Variants in SNX7 observed in about 807,000 individuals in gnomAD.
The protein encoded by SNX7 is sorting nexin 7, also known as sorting nexin-7.
A neutral mutation model predicts 48.4 loss-of-function variants in SNX7; 35 were observed. The observed-to-expected ratio is 0.72, with a 90% CI of 0.55 to 0.96. SNX7 has a LOEUF of 0.96. SNX7 is among the 40% of genes least tolerant of loss of function. SNX7 has a pLI of 0.00. For missense variants in SNX7, 553 were observed against 548.9 expected, an observed-to-expected ratio of 1.01 and a Z score of -0.07; for synonymous variants, 190 against 190.2, an observed-to-expected ratio of 1.00 and a Z score of 0.01.
At position 98,756,177 on chromosome 1, in the gene SNX7, C is replaced by A. The variant is rs2101061422; in HGVS notation, c.1279-3877C>A. ...TCTACCTTCAGGTAGTATTATACTT[C>A]ATATATAAGAACCTACAAATGTGTT... On this transcript the variant is annotated intron_variant, in intron 8 of 8. Coordinates refer to ENST00000306121, the MANE Select transcript of SNX7 (RefSeq NM_015976.5). 3.3e-5 allele frequency among the ~76,000 whole-genome samples: 5 copies of A among 152,000 alleles called. No homozygotes were observed. The South Asian group carries it at 1.0e-3, about 31-fold the overall frequency.
At chr1:98,748,102 A>G (rs1654394992) in intron 8 of SNX7, among the ~76,000 whole-genome samples, 1 of 150,622 alleles carries the variant, frequency 6.6e-6, no homozygotes, top group Admixed American at 6.6e-5. Flanking sequence ...TCAGCCTCCT[A>G]AGTAACCAAG....
chr1:98,726,959 C>G (rs780144634), intron 7 of SNX7, among the ~76,000 whole-genome samples: 10 of 152,102 alleles, frequency 6.6e-5, no homozygotes, highest in Non-Finnish European at 1.5e-4. Flanking sequence ...GCCTGTAATC[C>G]CAGCACTTTG....
At chr1:98,756,468 T>C (rs756530802) in intron 8 of SNX7, among the ~76,000 whole-genome samples, 32 of 144,918 alleles carry the variant, frequency 2.2e-4, no homozygotes, top group Non-Finnish European at 4.5e-4. Flanking sequence ...TAGTGTGTTC[T>C]GCTGGTGATA....
chr1:98,748,436 C>A (rs1323452902), intron 8 of SNX7, among the ~76,000 whole-genome samples: 1 of 152,030 alleles, frequency 6.6e-6, no homozygotes, highest in Non-Finnish European at 1.5e-5. Flanking sequence ...TGTGCTTCTT[C>A]CCATCCTTTG....
chr1:98,757,988 A>G lies in SNX7; in HGVS notation c.1279-2066A>G, dbSNP rs142721970. Among the ~76,000 whole-genome samples the G allele has an allele frequency of 1.3e-3, 199 of 152,138 alleles. 2 individuals carry two copies. Among genetic ancestry groups the G allele is most frequent in the African/African-American group, 4.6e-3 (193 of 41,524 alleles). On this transcript the variant is annotated intron_variant, in intron 8 of 8. Transcript: ENST00000306121. ...CTTAGATCCTATTACTGTTACTCCC[A>G]TCATGTCCTGTAACATCACAGACCC...
intron 8 of SNX7, among the ~76,000 whole-genome samples, chr1:98,756,422 G>GATTTTT (rs1654852356): frequency 1.8e-5 from 1 of 54,686 alleles, no homozygotes; most frequent in Non-Finnish European, 3.2e-5. Context: ...TGCCAGATGA[G>GATTTTT]TTTTTTTTTT....
In SNX7 at chr1:98,661,830, C is replaced by A; in HGVS notation, c.99C>A (p.Gly33=). ...CGGGGGGCGGCGCCCCCTTTCCGGG[C>A]AGCAGTGGCTCTTCCGCCCTGCTGC... ...ESPGGGAPFP[G]SSGSSALLQA... The change falls in exon 1 of 9, where the codon GGC becomes GGA. Residue 33 remains glycine, a synonymous_variant. Transcript: ENST00000306121. The A allele has an allele frequency of 3.2e-6, 4 of 1,246,236 alleles. No homozygotes were observed. Among genetic ancestry groups the A allele is most frequent in the Non-Finnish European group, 4.1e-6 (4 of 987,360 alleles). 77.2% of individuals were successfully genotyped at this position (1,246,236 alleles called of 1,614,324 possible).
chr1:98,730,542 C>T (rs1365979031), intron 7 of SNX7, among the ~76,000 whole-genome samples: 1 of 152,050 alleles, frequency 6.6e-6, no homozygotes, highest in Admixed American at 6.6e-5. Context: ...AGCTGATAAA[C>T]AACTTCAGCA....
At chr1:98,722,238 CAGAG>C (rs755708195) in intron 7 of SNX7, among the ~76,000 whole-genome samples, 20 of 152,048 alleles carry the variant, frequency 1.3e-4, no homozygotes, top group Non-Finnish European at 1.2e-4. Context: ...CAGTGGGTTT[CAGAG>C]AGAGAGGTTT....
chr1:98,692,987 T>A (rs1353777895), intron 4 of SNX7, among the ~76,000 whole-genome samples: 1 of 152,148 alleles, frequency 6.6e-6, no homozygotes, highest in Non-Finnish European at 1.5e-5. Flanking sequence ...GTTTGTGAGG[T>A]TTTTTTAGTT....
At chr1:98,745,702 C>A in intron 8 of SNX7, among the ~76,000 whole-genome samples, 1 of 152,058 alleles carries the variant, frequency 6.6e-6, no homozygotes, top group Non-Finnish European at 1.5e-5. Flanking sequence ...TTCGTTACAT[C>A]CTTGTACCTG....
At chr1:98,701,712 C>G in intron 6 of SNX7, 105 bp from the exon 7 acceptor site, 1 of 653,792 alleles carries the variant, frequency 1.5e-6, no homozygotes. Flanking sequence ...TGACTGATGG[C>G]TTGGGGAAGA....
At chr1:98,746,781 A>G (rs539289395) in intron 8 of SNX7, among the ~76,000 whole-genome samples, 30 of 152,184 alleles carry the variant, frequency 2.0e-4, no homozygotes, top group Middle Eastern at 3.4e-3. Context: ...CCCCTACCAT[A>G]GCAAATAAGA....
intron 7 of SNX7, among the ~76,000 whole-genome samples, chr1:98,729,625 A>G (rs899880188): frequency 1.3e-5 from 2 of 152,198 alleles, no homozygotes; most frequent in Non-Finnish European, 2.9e-5. Flanking sequence ...AGAGAATACT[A>G]TAAACACCTC....
At chr1:98,745,536 A>G (rs1233272166) in intron 8 of SNX7, among the ~76,000 whole-genome samples, 6 of 152,082 alleles carry the variant, frequency 3.9e-5, no homozygotes, top group South Asian at 4.1e-4. Context: ...AACTATGTGC[A>G]GAATATCTCA....
Position 98,729,788 on chromosome 1 carries a change from G to A in SNX7, c.1126-8449G>A, listed in dbSNP as rs188269475. On this transcript the variant is annotated intron_variant, in intron 7 of 8. Transcript: ENST00000306121. ...TAATAAATAGCCTACCAACCAAAAA[G>A]CCCAGGATCAGACAGATTTACAGCT... Among the ~76,000 whole-genome samples, 156 of 152,014 alleles carry A rather than the reference G, an allele frequency of 1.0e-3. 4 individuals are homozygous for A. The East Asian group carries it at 0.02, about 19-fold the overall frequency.
intron 7 of SNX7, among the ~76,000 whole-genome samples, chr1:98,733,603 C>T (rs1207567934): frequency 1.3e-5 from 2 of 152,136 alleles, no homozygotes; most frequent in African/African-American, 2.4e-5. Context: ...TGTGAACTAA[C>T]GTCTGCAGTT....
chr1:98,678,194 G>A (rs1167248056), intron 1 of SNX7, among the ~76,000 whole-genome samples: 2 of 152,130 alleles, frequency 1.3e-5, no homozygotes, highest in African/African-American at 4.8e-5. Flanking sequence ...GGTGAAGGAC[G>A]GCCAGCATGT....
intron 7 of SNX7, among the ~76,000 whole-genome samples, chr1:98,732,954 A>G (rs1653590266): frequency 1.3e-5 from 2 of 152,134 alleles, no homozygotes; most frequent in South Asian, 4.1e-4. Context: ...TTAAAATGTC[A>G]GGTCTGCTTC....
Sources: allele counts gnomAD v4.1 joint callset (sites outside exome capture counted in the v4.1 genomes callset), GRCh38; gene constraint gnomAD v4.1.1; transcripts MANE v1.5; gene names NCBI Gene and HGNC (gene_info 2026-07-23, HGNC 2026-07-21).